Variants in EPS8 observed in about 807,000 individuals in gnomAD.
EPS8 encodes EGFR pathway substrate 8, signaling adaptor.
EPS8 carries 42 observed loss-of-function variants against 103.8 expected under a neutral mutation model. That is an observed-to-expected ratio of 0.40 (90% CI 0.32 to 0.52). EPS8 has a LOEUF of 0.52. Ranked by LOEUF, EPS8 falls within the 20% of genes least tolerant of loss-of-function variation. The pLI, the probability that EPS8 is intolerant of heterozygous loss-of-function variation, is 0.40. For missense variants in EPS8, 969 were observed against 1,005.1 expected, an observed-to-expected ratio of 0.96 and a Z score of 0.49; for synonymous variants, 344 against 344.6, an observed-to-expected ratio of 1.00 and a Z score of 0.02.
intron 1 of EPS8, among the ~76,000 whole-genome samples, chr12:15,708,140 G>T (rs1946413523): frequency 6.6e-6 from 1 of 152,176 alleles, no homozygotes; most frequent in South Asian, 2.1e-4. Flanking sequence ...CTACTTATCT[G>T]TAATCTACAA....
In EPS8 at chr12:15,725,782, C is replaced by A. The variant is rs1024384765; in HGVS notation, c.-21-42810G>T. On this transcript the variant is annotated intron_variant, in intron 1 of 20. Transcript: ENST00000281172. The surrounding 1 kb of genome is among the most constrained non-coding windows in gnomAD (Gnocchi z 4.5). ...AAAATTTACAAGCTCTGTCAACATACAAGTTTTATTATATATTTATCAGAT... is the reference window on the plus strand; with the variant it reads ...AAAATTTACAAGCTCTGTCAACATAAAAGTTTTATTATATATTTATCAGAT... Among the ~76,000 whole-genome samples the A allele has an allele frequency of 8.5e-5, 13 of 152,162 alleles. No homozygotes were observed. The highest frequency in any genetic ancestry group is 7.9e-4 in the Admixed American group (12 of 15,284).
intron 18 of EPS8, among the ~76,000 whole-genome samples, chr12:15,627,575 A>C (rs1944971104): frequency 6.6e-6 from 1 of 152,148 alleles, no homozygotes. Context: ...CATTTCAATT[A>C]GTAGAATAAT....
intron 15 of EPS8, among the ~76,000 whole-genome samples, chr12:15,643,638 C>A (rs1159659093): frequency 2.6e-5 from 4 of 151,430 alleles, no homozygotes; most frequent in Middle Eastern, 3.2e-3. Context: ...ACTCAGGAGG[C>A]TGAGGTGGCA....
intron 12 of EPS8, 25 bp from the exon 13 acceptor site, chr12:15,654,318 C>A (rs2135796254): frequency 6.2e-7 from 1 of 1,606,696 alleles, no homozygotes; most frequent in East Asian, 2.2e-5. Context: ...CATTTTTTAG[C>A]AAGAAGATTA....
chr12:15,752,012 G>C lies in EPS8; in HGVS notation c.-22+37149C>G, dbSNP rs550575840. ...GGCAAAGTGCCAATACAGGAAATCAGTGACTGGATTTGAGGTATAGTTGAG... is the reference window on the plus strand; with the variant it reads ...GGCAAAGTGCCAATACAGGAAATCACTGACTGGATTTGAGGTATAGTTGAG... On this transcript the variant is annotated intron_variant, in intron 1 of 20. Transcript: ENST00000281172. The surrounding 1 kb of genome is among the most constrained non-coding windows in gnomAD (Gnocchi z 4.4). Among the ~76,000 whole-genome samples, 1 of 152,192 alleles carries C rather than the reference G, an allele frequency of 6.6e-6. No homozygotes were observed. The highest frequency in any genetic ancestry group is 6.5e-5 in the Admixed American group (1 of 15,284).
chr12:15,650,860 T>C lies in EPS8; in HGVS notation c.1397A>G (p.His466Arg), dbSNP rs773440965. ...LAESVANVAE[H>R]QRKQEIKRLS... is the part of the protein sequence containing the mutation. The stretch of plus-strand genomic sequence containing the variant: ...TCTTTTTATTTCCTGTTTGCGCTGA[T>C]GTTCTGCTACATTTGCCACAGATTC... The change falls in exon 14 of 21, where the codon CAT becomes CGT. Residue 466 changes from histidine to arginine, a missense_variant. By Grantham distance (29) the His-to-Arg change is conservative (BLOSUM62 0). Transcript: ENST00000281172. 1.9e-6 allele frequency: 3 copies of C among 1,614,138 alleles called. No individual in the cohort carries two copies. Among genetic ancestry groups the C allele is most frequent in the East Asian group, 4.5e-5 (2 of 44,880 alleles).
chr12:15,636,097 TA>T (rs1286364081), intron 17 of EPS8, among the ~76,000 whole-genome samples: 1 of 152,172 alleles, frequency 6.6e-6, no homozygotes, highest in Non-Finnish European at 1.5e-5. Flanking sequence ...AGGGTAATTC[TA>T]GCAGACGAGC....
chr12:15,786,199 T>C (rs1302194418), intron 1 of EPS8, among the ~76,000 whole-genome samples: 1 of 151,990 alleles, frequency 6.6e-6, no homozygotes, highest in Non-Finnish European at 1.5e-5. Flanking sequence ...CAGTGACAAA[T>C]CATACTGATA....
rs567790986 is a variant in EPS8, at chr12:15,765,510, G to T, written c.-22+23651C>A. On this transcript the variant is annotated intron_variant, in intron 1 of 20. Transcript: ENST00000281172. The stretch of plus-strand genomic sequence containing the variant: ...AATAACAGATGCACCCAGAAAGAGA[G>T]AAGAAAGGATCAAGAAACTGTACCC... Among the ~76,000 whole-genome samples, 11 of 152,060 alleles carry T rather than the reference G, an allele frequency of 7.2e-5. No individual in the cohort carries two copies. In the South Asian group the frequency reaches 2.1e-3, roughly 29 times the overall value.
Position 15,767,175 on chromosome 12 carries a change from G to A in EPS8, c.-22+21986C>T, listed in dbSNP as rs559181633. On this transcript the variant is annotated intron_variant, in intron 1 of 20. Coordinates refer to ENST00000281172, the MANE Select transcript of EPS8 (RefSeq NM_004447.6). The surrounding 1 kb of genome is among the most constrained non-coding windows in gnomAD (Gnocchi z 5.5). ...TATTCTACTCAAAAAATAACTGTAT[G>A]GTGAAGGAAATCTAAATAATATTGT... Among the ~76,000 whole-genome samples, 3 of 152,180 alleles carry A rather than the reference G, an allele frequency of 2.0e-5. No homozygotes were observed. The South Asian group carries it at 6.2e-4, about 32-fold the overall frequency.
chr12:15,682,997 T>C lies in EPS8; in HGVS notation c.-21-25A>G, dbSNP rs776539658. On this transcript the variant is annotated intron_variant, in intron 1 of 20. Transcript: ENST00000281172. ...TCTAAAAAAAGAAAGACACATAGAT[T>C]AAAGGCAATAAAAAGGTCAAGACAT... is the stretch of plus-strand genomic sequence containing the variant. 2.6e-5 allele frequency: 34 copies of C among 1,300,606 alleles called. No individual in the cohort carries two copies. The East Asian group carries it at 8.1e-4, about 31-fold the overall frequency. 80.6% of individuals were successfully genotyped at this position (1,300,606 alleles called of 1,614,324 possible).
At position 15,654,211 on chromosome 12, in the gene EPS8, T is replaced by C. The variant is rs368788728; in HGVS notation, c.1184A>G (p.Asn395Ser). 9.9e-6 allele frequency: 16 copies of C among 1,613,716 alleles called. No homozygotes were observed. The highest frequency in any genetic ancestry group is 1.4e-5 in the Non-Finnish European group (16 of 1,179,710). ...CCGTTCATCACCATTGACAGTATAA[T>C]TTAAGAAATCAATTGTGTCCTTATT... is the stretch of plus-strand genomic sequence containing the variant. ...LLNKDTIDFL[N>S]YTVNGDERQL... is the part of the protein sequence containing the mutation. Residue 395 changes from asparagine to serine, a missense_variant, in exon 13 of 21, where the codon AAT (asparagine) becomes AGT (serine). Coordinates refer to ENST00000281172, the MANE Select transcript of EPS8 (RefSeq NM_004447.6).
chr12:15,707,799 G>A (rs12230472), intron 1 of EPS8, among the ~76,000 whole-genome samples: 1 of 152,040 alleles, frequency 6.6e-6, no homozygotes, highest in Non-Finnish European at 1.5e-5. Context: ...TTTTTCATTA[G>A]ACTCTCTCCT....
intron 1 of EPS8, among the ~76,000 whole-genome samples, chr12:15,703,707 T>C (rs1946342478): frequency 1.3e-5 from 2 of 151,444 alleles, no homozygotes; most frequent in Middle Eastern, 3.4e-3. Flanking sequence ...AAAATAACTA[T>C]GCAGGCATTC....
intron 15 of EPS8, among the ~76,000 whole-genome samples, chr12:15,644,697 C>CA (rs10559403): frequency 1.6e-4 from 20 of 122,100 alleles, no homozygotes; most frequent in African/African-American, 2.7e-4. Flanking sequence ...GACTCTGTCT[C>CA]AAAAAAAAAA....
chr12:15,631,341 A>C, intron 18 of EPS8, 101 bp downstream of exon 18: 1 of 1,525,494 alleles, frequency 6.6e-7, no homozygotes, highest in African/African-American at 1.4e-5. Context: ...CCATGCAAGT[A>C]TAAAGGACTT....
chr12:15,780,332 AT>A lies in EPS8; in HGVS notation c.-22+8828del, dbSNP rs1947247219. ...CCAACCTATTCCGCACATGTCAAAC[AT>A]GCTCATCTTTCTACCTGGAGAGAGA... On this transcript the variant is annotated intron_variant, in intron 1 of 20. Coordinates refer to ENST00000281172, the MANE Select transcript of EPS8 (RefSeq NM_004447.6). The surrounding 1 kb of genome is among the most constrained non-coding windows in gnomAD (Gnocchi z 4.1). 6.6e-6 allele frequency among the ~76,000 whole-genome samples: 1 copy of A among 151,996 alleles called. No individual in the cohort carries two copies.
chr12:15,786,205 T>A (rs1947309367), intron 1 of EPS8, among the ~76,000 whole-genome samples: 1 of 152,082 alleles, frequency 6.6e-6, no homozygotes, highest in Non-Finnish European at 1.5e-5. Flanking sequence ...CAAATCATAC[T>A]GATAGTATAT....
chr12:15,727,656 G>C lies in EPS8; in HGVS notation c.-21-44684C>G, dbSNP rs1032970098. Among the ~76,000 whole-genome samples, 6 of 152,110 alleles carry C rather than the reference G, an allele frequency of 3.9e-5. No individual in the cohort carries two copies. The highest frequency in any genetic ancestry group is 8.8e-5 in the Non-Finnish European group (6 of 68,006). ...GGGCGGATCACGAGGTCAGGAGTTCGAGACCAGCCTGACCAACACGGTGAA... is the reference window on the plus strand; with the variant it reads ...GGGCGGATCACGAGGTCAGGAGTTCCAGACCAGCCTGACCAACACGGTGAA... On this transcript the variant is annotated intron_variant, in intron 1 of 20. Coordinates refer to ENST00000281172, the MANE Select transcript of EPS8 (RefSeq NM_004447.6). This position sits in a 1 kb window ranked among gnomAD's most constrained non-coding sequence, Gnocchi z 4.3.
Sources: gnomAD v4.1 joint callset for allele counts (sites outside exome capture counted in the v4.1 genomes callset) on GRCh38, gnomAD v4.1.1 for gene constraint, Gnocchi (gnomAD v3.1) non-coding constraint, MANE v1.5 for transcripts, NCBI Gene and HGNC (gene_info 2026-07-23, HGNC 2026-07-21) for gene names.